The following ITK variants were observed in gnomAD, a reference collection of about 807,000 sequenced individuals.
The protein encoded by ITK is tyrosine-protein kinase ITK/TSK.
Under a neutral mutation model 87.6 loss-of-function variants are expected in ITK, and 45 were observed. The observed-to-expected ratio is 0.51, with a 90% CI of 0.40 to 0.66. ITK has a LOEUF of 0.66. Ranked by LOEUF, ITK falls within the 30% of genes least tolerant of loss-of-function variation. ITK has a pLI of 0.00. For missense variants in ITK, 605 were observed against 766.3 expected (o/e 0.79, Z 2.48); for synonymous variants, 303 against 273.6 (o/e 1.11, Z -1.06).
intron 8 of ITK, among the ~76,000 whole-genome samples, chr5:157,234,139 C>T (rs980412777): frequency 4.0e-5 from 6 of 151,188 alleles, no homozygotes; most frequent in African/African-American, 1.5e-4. Flanking sequence ...TGCCATCACA[C>T]CTAACTCATT....
At chr5:157,204,662 G>A (rs1580882942) in intron 1 of ITK, among the ~76,000 whole-genome samples, 1 of 151,750 alleles carries the variant, frequency 6.6e-6, no homozygotes, top group Non-Finnish European at 1.5e-5. Context: ...TCACACCACT[G>A]CACTCCAGCC....
In ITK at chr5:157,244,349, C is replaced by T. The variant is rs139927533; in HGVS notation, c.1320C>T (p.His440=). 1.4e-5 allele frequency: 23 copies of T among 1,613,876 alleles called. No individual in the cohort carries two copies. The highest frequency in any genetic ancestry group is 9.3e-5 in the African/African-American group (7 of 74,912). The change falls in exon 13 of 17, where the codon CAC becomes CAT. Residue 440 remains histidine (H), a synonymous_variant. Coordinates refer to ENST00000422843, the MANE Select transcript of ITK (RefSeq NM_005546.4). ...GCCTGGTGTTTGAGTTCATGGAGCACGGCTGCCTGTCAGATTATCTACGCA... is the reference window on the plus strand; with the variant it reads ...GCCTGGTGTTTGAGTTCATGGAGCATGGCTGCCTGTCAGATTATCTACGCA... ...PICLVFEFME[H]GCLSDYLRTQ... is the part of the protein sequence containing the mutation.
At chr5:157,249,661 G>C (rs1451330215) in intron 16 of ITK, among the ~76,000 whole-genome samples, 1 of 152,184 alleles carries the variant, frequency 6.6e-6, no homozygotes, top group Non-Finnish European at 1.5e-5. Context: ...AAAAAATTTG[G>C]AACACTAGGA....
intron 14 of ITK, 28 bp from the exon 15 acceptor site, chr5:157,245,853 T>C: frequency 6.2e-7 from 1 of 1,609,946 alleles, no homozygotes; most frequent in Non-Finnish European, 8.5e-7. Flanking sequence ...CGGAACATTC[T>C]GACCTTCTCC....
At chr5:157,208,806 T>A in intron 1 of ITK, 83 bp from the exon 2 acceptor site, 2 of 943,690 alleles carry the variant, frequency 2.1e-6, no homozygotes, top group Admixed American at 3.8e-5. Flanking sequence ...ATGGATCTTA[T>A]CTAGCAGTAG....
At chr5:157,249,650 C>T (rs1755101856) in intron 16 of ITK, among the ~76,000 whole-genome samples, 2 of 152,184 alleles carry the variant, frequency 1.3e-5, no homozygotes, top group African/African-American at 2.4e-5. Flanking sequence ...AGGTGGAATA[C>T]AAAAAATTTG....
At chr5:157,237,729 G>A (rs1754805660) in intron 8 of ITK, among the ~76,000 whole-genome samples, 1 of 152,178 alleles carries the variant, frequency 6.6e-6, no homozygotes, top group Admixed American at 6.5e-5. Flanking sequence ...GTGGGTCGTG[G>A]GAATGCCACT....
At chr5:157,211,201 A>G in intron 2 of ITK, 86 bp from the exon 3 acceptor site, 1 of 1,079,094 alleles carries the variant, frequency 9.3e-7, no homozygotes. Flanking sequence ...AACACCCGAG[A>G]CCCCACTCTC....
intron 16 of ITK, among the ~76,000 whole-genome samples, chr5:157,250,994 T>C (rs987727324): frequency 6.6e-6 from 1 of 152,252 alleles, no homozygotes; most frequent in Non-Finnish European, 1.5e-5. Context: ...CTATAAATGT[T>C]TATGTGCAGA....
intron 1 of ITK, among the ~76,000 whole-genome samples, chr5:157,201,753 AAAT>A (rs1753980855): frequency 6.6e-6 from 1 of 150,788 alleles, no homozygotes; most frequent in African/African-American, 2.4e-5. Context: ...AAAAAAAAAA[AAAT>A]TGTAAGGAAC....
At chr5:157,252,510 T>A in intron 16 of ITK, 97 bp from the exon 17 acceptor site, 1 of 884,552 alleles carries the variant, frequency 1.1e-6, no homozygotes, top group Non-Finnish European at 1.9e-6. Flanking sequence ...CATACAAAAA[T>A]CCACAGGGGA....
chr5:157,196,145 T>C (rs1339767567), intron 1 of ITK, among the ~76,000 whole-genome samples: 1 of 152,204 alleles, frequency 6.6e-6, no homozygotes, highest in Admixed American at 6.6e-5. Flanking sequence ...AAAATGTCAA[T>C]AATGCTGAGG....
intron 4 of ITK, 33 bp downstream of exon 4, chr5:157,214,352 G>A (rs749515080): frequency 1.6e-5 from 26 of 1,593,842 alleles, no homozygotes; most frequent in Non-Finnish European, 2.2e-5. Context: ...TAGTTTTTGT[G>A]AAATGACCAT....
chr5:157,209,051 C>T, intron 2 of ITK, 58 bp downstream of exon 2: 1 of 1,172,228 alleles, frequency 8.5e-7, no homozygotes, highest in Non-Finnish European at 1.3e-6. Context: ...AATCTTCAGT[C>T]ACAGCCGGGT....
chr5:157,223,250 C>T lies in ITK; in HGVS notation c.647+236C>T, dbSNP rs55744253. On this transcript the variant is annotated intron_variant, in intron 6 of 16. Transcript: ENST00000422843. The stretch of plus-strand genomic sequence containing the variant: ...CTTGTTCCCTGCACCCCATCTCAGG[C>T]ACTCCAGACCCAAACTCATCTAAAA... Among the ~76,000 whole-genome samples, 5,182 of 152,202 alleles carry T rather than the reference C, an allele frequency of 0.034. 243 individuals are homozygous for T. Among genetic ancestry groups the T allele is most frequent in the East Asian group, 0.2 (1,040 of 5,160 alleles).
chr5:157,235,912 G>T (rs542383186), intron 8 of ITK, among the ~76,000 whole-genome samples: 4 of 152,260 alleles, frequency 2.6e-5, no homozygotes, highest in Non-Finnish European at 5.9e-5. Flanking sequence ...CCAATAAGTA[G>T]CAAACTTAGC....
intron 3 of ITK, among the ~76,000 whole-genome samples, chr5:157,212,235 A>G (rs183126813): frequency 1.2e-4 from 18 of 152,334 alleles, no homozygotes; most frequent in African/African-American, 4.3e-4. Context: ...CCCTGGATCA[A>G]TGTTACCATT....
At chr5:157,240,010 G>A in intron 9 of ITK, 52 bp from the exon 10 acceptor site, 14 of 1,576,978 alleles carry the variant, frequency 8.9e-6, no homozygotes, top group Non-Finnish European at 1.2e-5. Context: ...ACTTTTTTGT[G>A]TCTCAACATT....
At chr5:157,198,740 C>T (rs1753900756) in intron 1 of ITK, among the ~76,000 whole-genome samples, 1 of 152,136 alleles carries the variant, frequency 6.6e-6, no homozygotes, top group African/African-American at 2.4e-5. Context: ...TCCATAGAGA[C>T]AGTAATGAGC....
Sources: gnomAD v4.1 joint callset for allele counts (sites outside exome capture counted in the v4.1 genomes callset) on GRCh38, gnomAD v4.1.1 for gene constraint, MANE v1.5 for transcripts, NCBI Gene and HGNC (gene_info 2026-07-23, HGNC 2026-07-21) for gene names.